The following THADA variants were observed in gnomAD, a reference collection of about 807,000 sequenced individuals.
The protein encoded by THADA is tRNA (32-2'-O)-methyltransferase regulator THADA.
In THADA, 213 loss-of-function variants were observed where a neutral mutation model predicts 219.8. The ratio of observed to expected loss-of-function variants is 0.97; its 90% CI spans 0.87 to 1.09. THADA has a LOEUF of 1.09. Ranked by LOEUF, THADA falls within the 50% of genes least tolerant of loss-of-function variation. THADA has a pLI of 0.00. For synonymous variants in THADA, 1,018 were observed against 828.9 expected, an observed-to-expected ratio of 1.23 and a Z score of -3.92; for missense variants, 2,956 against 2,311.3, an observed-to-expected ratio of 1.28 and a Z score of -5.72.
intron 26 of THADA, among the ~76,000 whole-genome samples, chr2:43,447,672 C>T (rs1227744011): frequency 6.6e-6 from 1 of 152,180 alleles, no homozygotes; most frequent in Non-Finnish European, 1.5e-5. Flanking sequence ...GCACTCAGGA[C>T]ACAAAGTGCC....
intron 28 of THADA, among the ~76,000 whole-genome samples, chr2:43,415,086 G>T (rs948146784): frequency 4.6e-5 from 7 of 152,114 alleles, no homozygotes; most frequent in African/African-American, 1.7e-4. Context: ...TCTCCCCAAC[G>T]TATTCTATTT....
At chr2:43,423,210 A>G in intron 28 of THADA, among the ~76,000 whole-genome samples, 1 of 152,058 alleles carries the variant, frequency 6.6e-6, no homozygotes, top group Non-Finnish European at 1.5e-5. Context: ...TTTGCTCACA[A>G]ATTTGATAAG....
intron 9 of THADA, 36 bp downstream of exon 9, chr2:43,578,477 C>A (rs1700086493): frequency 6.6e-7 from 1 of 1,526,580 alleles, no homozygotes; most frequent in Admixed American, 1.7e-5. Context: ...CCCTAACTCT[C>A]AATAAAGTAC....
intron 30 of THADA, among the ~76,000 whole-genome samples, chr2:43,323,812 A>G (rs576112676): frequency 6.2e-4 from 95 of 152,330 alleles, no homozygotes; most frequent in African/African-American, 2.3e-3. Flanking sequence ...GCCATGTAAG[A>G]TGGGAAGAAT....
intron 35 of THADA, among the ~76,000 whole-genome samples, chr2:43,280,667 C>A (rs1673238867): frequency 6.6e-6 from 1 of 151,882 alleles, no homozygotes; most frequent in Admixed American, 6.6e-5. Context: ...AAAACAACAA[C>A]AACAACAAAA....
rs181055201 is a variant in THADA at position 43,569,863 on chromosome 2, T to C, written c.2187+525A>G. On this transcript the variant is annotated intron_variant, in intron 14 of 37. Coordinates refer to ENST00000405975, the MANE Select transcript of THADA (RefSeq NM_022065.5). ...TGTCAAGCTAAGCCCTGGCCCAGAC[T>C]GGAGCTGCTGCACCCAGGTTTCCAT... is the stretch of plus-strand genomic sequence containing the variant. Among the ~76,000 whole-genome samples, 459 of 152,320 alleles carry C rather than the reference T, an allele frequency of 3.0e-3. 15 individuals carry two copies. Among genetic ancestry groups the C allele is most frequent in the Admixed American group, 0.03 (452 of 15,304 alleles).
rs1207814152 is a variant in THADA at position 43,541,266 on chromosome 2, A to T, written c.3157T>A (p.Cys1053Ser). ...DVTAQMVLVCCWRSMKEVALL... is the reference protein window; with the variant it reads ...DVTAQMVLVCSWRSMKEVALL... ...GCAACTTCCTTCATACTTCTCCAAC[A>T]ACATACCAGCACCATCTGCGCAGTT... Residue 1053 changes from cysteine (C) to serine (S), a missense_variant, in exon 21 of 38, where the codon TGT (cysteine) becomes AGT (serine). Transcript: ENST00000405975. The T allele has an allele frequency of 6.2e-7, 1 of 1,613,100 alleles. No individual in the cohort carries two copies. The highest frequency in any genetic ancestry group is 1.7e-5 in the Admixed American group (1 of 59,922).
chr2:43,287,563 C>T (rs1428102421), intron 34 of THADA, among the ~76,000 whole-genome samples: 1 of 152,212 alleles, frequency 6.6e-6, no homozygotes, highest in Non-Finnish European at 1.5e-5. Context: ...TCCCAAAGTG[C>T]TGGCATTACA....
intron 36 of THADA, among the ~76,000 whole-genome samples, chr2:43,277,802 G>A (rs1357627665): frequency 6.6e-6 from 1 of 152,210 alleles, no homozygotes; most frequent in Non-Finnish European, 1.5e-5. Flanking sequence ...TACTTTTAAG[G>A]TAGTCAAGAT....
chr2:43,473,611 T>C (rs566808005), intron 26 of THADA, among the ~76,000 whole-genome samples: 1 of 152,272 alleles, frequency 6.6e-6, no homozygotes, highest in Admixed American at 6.5e-5. Flanking sequence ...TAATCGTACA[T>C]GTTAGGCTTT....
chr2:43,532,337 C>T (rs930392434), intron 21 of THADA, among the ~76,000 whole-genome samples: 4 of 146,336 alleles, frequency 2.7e-5, no homozygotes, highest in East Asian at 4.1e-4. Flanking sequence ...CGTTTGAACC[C>T]GGGAGGCAGA....
chr2:43,373,572 G>T (rs1331859709), intron 29 of THADA, among the ~76,000 whole-genome samples: 5 of 152,050 alleles, frequency 3.3e-5, no homozygotes, highest in Admixed American at 2.6e-4. Context: ...CACCTCCCGG[G>T]TTCAAGCGAT....
chr2:43,359,349 C>A (rs917226465), intron 29 of THADA, among the ~76,000 whole-genome samples: 21 of 152,182 alleles, frequency 1.4e-4, no homozygotes, highest in African/African-American at 4.6e-4. Context: ...TGATATCAGT[C>A]CTTATGAGCC....
rs922846934 is a variant in THADA at position 43,416,577 on chromosome 2, G to T, written c.4058+11523C>A. Among the ~76,000 whole-genome samples the T allele has an allele frequency of 2.0e-5, 3 of 152,092 alleles. No individual in the cohort carries two copies. The South Asian group carries it at 6.2e-4, about 32-fold the overall frequency. On this transcript the variant is annotated intron_variant, in intron 28 of 37. Coordinates refer to ENST00000405975, the MANE Select transcript of THADA (RefSeq NM_022065.5). ...TTTCAACTAAAGTAGACAAAAATGT[G>T]GCATCTCTTGGGGGCTGGTGGTCAG...
At chr2:43,259,848 G>A (rs1002404790) in intron 36 of THADA, among the ~76,000 whole-genome samples, 1 of 152,128 alleles carries the variant, frequency 6.6e-6, no homozygotes, top group Non-Finnish European at 1.5e-5. Context: ...TTACTAAAAG[G>A]GAATTGCTGG....
intron 4 of THADA, among the ~76,000 whole-genome samples, chr2:43,588,987 T>C (rs1701280398): frequency 6.6e-6 from 1 of 152,202 alleles, no homozygotes; most frequent in Non-Finnish European, 1.5e-5. Context: ...GGTATATTCA[T>C]ATTACAGAAT....
chr2:43,264,399 C>T (rs1671293961), intron 36 of THADA, among the ~76,000 whole-genome samples: 1 of 151,824 alleles, frequency 6.6e-6, no homozygotes, highest in Non-Finnish European at 1.5e-5. Context: ...GATTCTCCTG[C>T]CTCAGCCTCC....
Position 43,469,221 on chromosome 2 carries a change from GC to G in THADA, c.3836+16012del, listed in dbSNP as rs113150928. Among the ~76,000 whole-genome samples, 907 of 152,260 alleles carry G rather than the reference GC, an allele frequency of 6.0e-3. 3 individuals are homozygous for G. Among genetic ancestry groups the G allele is most frequent in the African/African-American group, 0.019 (788 of 41,538 alleles). ...ATGAACAAAAGCATAAAAAGGAAAA[GC>G]CCGACAAGTTCAAGGGAACAATAGG... On this transcript the variant is annotated intron_variant, in intron 26 of 37. Coordinates refer to ENST00000405975, the MANE Select transcript of THADA (RefSeq NM_022065.5).
chr2:43,453,328 TG>T (rs1682594068), intron 26 of THADA, among the ~76,000 whole-genome samples: 1 of 152,208 alleles, frequency 6.6e-6, no homozygotes, highest in African/African-American at 2.4e-5. Context: ...AAGAACTGCC[TG>T]GAAGTACTCA....
Sources: gnomAD v4.1 joint callset for allele counts (sites outside exome capture counted in the v4.1 genomes callset) on GRCh38, gnomAD v4.1.1 for gene constraint, MANE v1.5 for transcripts, NCBI Gene and HGNC (gene_info 2026-07-23, HGNC 2026-07-21) for gene names.